Variants in CACNA2D3 observed in about 807,000 individuals in gnomAD.
CACNA2D3 encodes calcium voltage-gated channel auxiliary subunit alpha2delta 3, also known as voltage-dependent calcium channel subunit alpha-2/delta-3.
CACNA2D3 carries 60 observed loss-of-function variants against 160.6 expected under a neutral mutation model. The observed-to-expected ratio is 0.37, with a 90% confidence interval of 0.30 to 0.46. CACNA2D3 has a LOEUF of 0.46. CACNA2D3 is among the 20% of genes least tolerant of loss of function. The probability of loss-of-function intolerance (pLI) is 1.00; values close to 1 mark genes in which losing one functional copy is unlikely to be tolerated. For missense variants in CACNA2D3, 1,205 were observed against 1,365.0 expected (o/e 0.88, Z 1.85); for synonymous variants, 558 against 492.9 (o/e 1.13, Z -1.75).
At chr3:54,421,548 G>T (rs1012990515) in intron 4 of CACNA2D3, among the ~76,000 whole-genome samples, 1 of 152,090 alleles carries the variant, frequency 6.6e-6, no homozygotes, top group Non-Finnish European at 1.5e-5. Flanking sequence ...CTGCGGATGG[G>T]ATTCTATATA....
intron 4 of CACNA2D3, among the ~76,000 whole-genome samples, chr3:54,500,054 A>G (rs1245315723): frequency 3.3e-5 from 5 of 152,226 alleles, no homozygotes; most frequent in African/African-American, 9.6e-5. Context: ...TCTTTGTTTC[A>G]TGTATTTTAA....
At chr3:54,263,429 T>C (rs1385968694) in intron 2 of CACNA2D3, among the ~76,000 whole-genome samples, 1 of 152,214 alleles carries the variant, frequency 6.6e-6, no homozygotes, top group Non-Finnish European at 1.5e-5. Context: ...CTATTTTTAC[T>C]ATGATTTTAC....
At chr3:54,216,315 T>C (rs1174962372) in intron 2 of CACNA2D3, among the ~76,000 whole-genome samples, 1 of 152,244 alleles carries the variant, frequency 6.6e-6, no homozygotes, top group African/African-American at 2.4e-5. Context: ...AATAATACAC[T>C]TCACGTTTCA....
chr3:54,247,582 A>G (rs1367761359), intron 2 of CACNA2D3, among the ~76,000 whole-genome samples: 3 of 152,192 alleles, frequency 2.0e-5, no homozygotes, highest in Non-Finnish European at 4.4e-5. Context: ...TTGTAAATAT[A>G]AAAAATAGGA....
intron 27 of CACNA2D3, chr3:54,918,995 C>CTTT: frequency 1.4e-6 from 1 of 707,918 alleles, no homozygotes. Context: ...TATGAAGTAC[C>CTTT]TTTTTTTTTT....
chr3:54,152,969 C>T (rs1700179735), intron 2 of CACNA2D3, among the ~76,000 whole-genome samples: 1 of 152,160 alleles, frequency 6.6e-6, no homozygotes. Context: ...GGCAGGAATC[C>T]AGGGCTTGGG....
intron 4 of CACNA2D3, among the ~76,000 whole-genome samples, chr3:54,492,278 C>CA (rs917129674): frequency 6.6e-6 from 1 of 152,160 alleles, no homozygotes; most frequent in African/African-American, 2.4e-5. Context: ...CAAGGTATAA[C>CA]AAAGCCAGGA....
At chr3:55,053,342 C>T (rs1704276062) in intron 35 of CACNA2D3, among the ~76,000 whole-genome samples, 2 of 151,946 alleles carry the variant, frequency 1.3e-5, no homozygotes, top group South Asian at 2.1e-4. Flanking sequence ...TTATTCCTTA[C>T]TCTGATAGGA....
chr3:55,027,861 G>A (rs1703597868), intron 35 of CACNA2D3, among the ~76,000 whole-genome samples: 1 of 152,174 alleles, frequency 6.6e-6, no homozygotes, highest in African/African-American at 2.4e-5. Context: ...ACAAGCAATG[G>A]CAAACCATAG....
chr3:54,853,189 T>G (rs1184129143), intron 17 of CACNA2D3, among the ~76,000 whole-genome samples: 2 of 152,076 alleles, frequency 1.3e-5, no homozygotes, highest in African/African-American at 4.8e-5. Context: ...TACTCCTCCA[T>G]CACTCTCCAT....
chr3:54,722,173 C>T (rs1028254931), intron 11 of CACNA2D3, among the ~76,000 whole-genome samples: 13 of 152,180 alleles, frequency 8.5e-5, no homozygotes, highest in African/African-American at 3.1e-4. Context: ...TTTTCAATCA[C>T]TGATATCCTT....
chr3:54,378,933 T>C (rs1437463058), intron 3 of CACNA2D3, among the ~76,000 whole-genome samples: 1 of 152,248 alleles, frequency 6.6e-6, no homozygotes, highest in Non-Finnish European at 1.5e-5. Flanking sequence ...TAACGGGTAT[T>C]AATTTAATCA....
intron 11 of CACNA2D3, among the ~76,000 whole-genome samples, chr3:54,695,006 T>A (rs1228405391): frequency 3.3e-5 from 5 of 152,256 alleles, no homozygotes; most frequent in African/African-American, 1.2e-4. Context: ...TCATTACCAC[T>A]TTGTCATGTC....
intron 27 of CACNA2D3, among the ~76,000 whole-genome samples, chr3:54,903,202 C>G (rs189569013): frequency 6.6e-6 from 1 of 152,286 alleles, no homozygotes; most frequent in East Asian, 1.9e-4. Flanking sequence ...CCTCTCCCTC[C>G]TCCCACCCTC....
chr3:54,971,844 G>C (rs929114898), intron 29 of CACNA2D3, among the ~76,000 whole-genome samples: 1 of 152,192 alleles, frequency 6.6e-6, no homozygotes, highest in African/African-American at 2.4e-5. Flanking sequence ...CCTTGGGCAA[G>C]TTTCCAAATC....
intron 3 of CACNA2D3, among the ~76,000 whole-genome samples, chr3:54,345,180 G>A (rs1187821482): frequency 6.6e-6 from 1 of 152,172 alleles, no homozygotes; most frequent in African/African-American, 2.4e-5. Flanking sequence ...TACTTACGTA[G>A]TAATAAACTT....
rs532900038 is a variant in CACNA2D3, at chr3:54,547,495, A to G, written c.545-15305A>G. Among the ~76,000 whole-genome samples, 23 of 152,080 alleles carry G rather than the reference A, an allele frequency of 1.5e-4. 1 individual carries two copies. In the South Asian group the frequency reaches 4.8e-3, roughly 32 times the overall value. ...ACATCTTTCTGAACTTTCTCAGGCCAATTTCTGACTCCTGCTTACACTCTC... is the reference window on the plus strand; with the variant it reads ...ACATCTTTCTGAACTTTCTCAGGCCGATTTCTGACTCCTGCTTACACTCTC... On this transcript the variant is annotated intron_variant, in intron 5 of 37. Coordinates refer to ENST00000474759, the MANE Select transcript of CACNA2D3 (RefSeq NM_018398.3).
intron 27 of CACNA2D3, among the ~76,000 whole-genome samples, chr3:54,947,263 A>T (rs1043590320): frequency 1.3e-5 from 2 of 152,150 alleles, no homozygotes; most frequent in Non-Finnish European, 1.5e-5. Context: ...CCTTTACTCT[A>T]TGCTGCCTCT....
intron 4 of CACNA2D3, among the ~76,000 whole-genome samples, chr3:54,496,615 G>A (rs1308651481): frequency 6.6e-6 from 1 of 152,070 alleles, no homozygotes; most frequent in African/African-American, 2.4e-5. Context: ...TTTATTACTG[G>A]TGAATTTGAT....
Sources: allele counts gnomAD v4.1 joint callset (sites outside exome capture counted in the v4.1 genomes callset), GRCh38; gene constraint gnomAD v4.1.1; transcripts MANE v1.5; gene names NCBI Gene and HGNC (gene_info 2026-07-23, HGNC 2026-07-21).